Variants in CREB5 observed in about 807,000 individuals in gnomAD.
The protein encoded by CREB5 is cAMP responsive element binding protein 5, also known as cyclic AMP-responsive element-binding protein 5.
CREB5 carries 19 observed loss-of-function variants against 57.1 expected under a neutral mutation model. The ratio of observed to expected loss-of-function variants is 0.33; its 90% CI spans 0.23 to 0.49. CREB5 has a LOEUF of 0.49. Among genes scored for constraint, CREB5 ranks in the 20% least tolerant of loss-of-function variants. The pLI is 0.99. For missense variants in CREB5, 579 were observed against 671.6 expected, an observed-to-expected ratio of 0.86 and a Z score of 1.52; for synonymous variants, 238 against 238.3, an observed-to-expected ratio of 1.00 and a Z score of 0.01.
chr7:28,368,691 C>G (rs1338787709), intron 1 of CREB5, among the ~76,000 whole-genome samples: 1 of 152,188 alleles, frequency 6.6e-6, no homozygotes, highest in Non-Finnish European at 1.5e-5. Context: ...TTTTAGAAAT[C>G]CTCCCTGACC....
chr7:28,451,975 C>T (rs1789839789), intron 1 of CREB5, among the ~76,000 whole-genome samples: 1 of 152,164 alleles, frequency 6.6e-6, no homozygotes, highest in Non-Finnish European at 1.5e-5. Context: ...TGTCACTCTG[C>T]ATGGTACTAA....
At chr7:28,560,919 T>TGCGTGCGCGCGCACGCGTGC (rs1562797827) in intron 4 of CREB5, among the ~76,000 whole-genome samples, 1 of 42,990 alleles carries the variant, frequency 2.3e-5, no homozygotes, top group Non-Finnish European at 4.5e-5. Flanking sequence ...CGTGTGCGTG[T>TGCGTGCGCGCGCACGCGTGC]GTGCGCGTGC....
chr7:28,677,244 G>T (rs565515841), intron 5 of CREB5, among the ~76,000 whole-genome samples: 2 of 152,120 alleles, frequency 1.3e-5, no homozygotes, highest in African/African-American at 4.8e-5. Context: ...GGATGACCAC[G>T]TAGAAGTGTG....
chr7:28,498,323 G>A (rs1226526788), intron 3 of CREB5, among the ~76,000 whole-genome samples: 1 of 152,072 alleles, frequency 6.6e-6, no homozygotes, highest in African/African-American at 2.4e-5. Context: ...TTTTATTTCA[G>A]ATGAGTTGAG....
intron 5 of CREB5, among the ~76,000 whole-genome samples, chr7:28,651,642 T>C (rs543062086): frequency 6.6e-6 from 1 of 152,316 alleles, no homozygotes; most frequent in Non-Finnish European, 1.5e-5. Context: ...CTGGTCCTCT[T>C]TCTTTCGCCG....
rs932430761 is a variant in CREB5 at position 28,789,398 on chromosome 7, C to T, written c.703-14801C>T. Among the ~76,000 whole-genome samples, 10 of 152,230 alleles carry T rather than the reference C, an allele frequency of 6.6e-5. No individual in the cohort carries two copies. In the South Asian group the frequency reaches 1.9e-3, roughly 29 times the overall value. On this transcript the variant is annotated intron_variant, in intron 7 of 10. Coordinates refer to ENST00000357727, the MANE Select transcript of CREB5 (RefSeq NM_182898.4). ...GAAATCCACCAGACTAGTGCTGCAC[C>T]GTATCTTTCAGTCCCCTCTCCCCAT... is the stretch of plus-strand genomic sequence containing the variant.
At chr7:28,776,918 A>G (rs1806687280) in intron 7 of CREB5, among the ~76,000 whole-genome samples, 2 of 152,342 alleles carry the variant, frequency 1.3e-5, no homozygotes, top group South Asian at 2.1e-4. Context: ...TTGTGTGGCT[A>G]TACCACATTT....
At chr7:28,443,011 C>T (rs1470094163) in intron 1 of CREB5, among the ~76,000 whole-genome samples, 1 of 152,142 alleles carries the variant, frequency 6.6e-6, no homozygotes, top group Non-Finnish European at 1.5e-5. Context: ...CTCTATATGC[C>T]TTATTTCGTT....
chr7:28,360,379 T>A (rs1786450267), intron 1 of CREB5, among the ~76,000 whole-genome samples: 1 of 152,230 alleles, frequency 6.6e-6, no homozygotes, highest in Admixed American at 6.5e-5. Flanking sequence ...TGGAATGTTA[T>A]TCAGCCTTTA....
At chr7:28,472,486 G>C (rs1790867185) in intron 1 of CREB5, among the ~76,000 whole-genome samples, 1 of 152,180 alleles carries the variant, frequency 6.6e-6, no homozygotes, top group Admixed American at 6.5e-5. Context: ...ACCTCAAGCT[G>C]CAACTACAGT....
At chr7:28,644,341 C>T (rs1467138733) in intron 5 of CREB5, among the ~76,000 whole-genome samples, 3 of 152,082 alleles carry the variant, frequency 2.0e-5, no homozygotes, top group South Asian at 4.1e-4. Context: ...TGTCATTGCC[C>T]TTCCCTATTC....
At chr7:28,318,908 A>T (rs1367341477) in intron 1 of CREB5, among the ~76,000 whole-genome samples, 1 of 152,224 alleles carries the variant, frequency 6.6e-6, no homozygotes, top group African/African-American at 2.4e-5. Context: ...AAAAAGTACC[A>T]GAAAAGTCCT....
chr7:28,471,212 G>C (rs1418089086), intron 1 of CREB5, among the ~76,000 whole-genome samples: 1 of 152,128 alleles, frequency 6.6e-6, no homozygotes, highest in Non-Finnish European at 1.5e-5. Flanking sequence ...TGAGGTCTTA[G>C]ATTTAAATCT....
At chr7:28,589,758 T>G (rs182840272) in intron 5 of CREB5, among the ~76,000 whole-genome samples, 1 of 150,018 alleles carries the variant, frequency 6.7e-6, no homozygotes, top group Non-Finnish European at 1.5e-5. Flanking sequence ...CCACGGTTTG[T>G]ATATTTAGGT....
rs1024492192 is a variant in CREB5, at chr7:28,481,260, G to A, written c.4-6915G>A. Among the ~76,000 whole-genome samples the A allele has an allele frequency of 2.5e-4, 38 of 152,208 alleles. 1 individual carries two copies. The highest frequency in any genetic ancestry group is 1.9e-3 in the Admixed American group (29 of 15,274). ...CTCTAAGCATAATATAAAGTGTGAC[G>A]CAATCCCAAAGGGGGCTGTGATTCA... is the stretch of plus-strand genomic sequence containing the variant. On this transcript the variant is annotated intron_variant, in intron 1 of 10. Coordinates refer to ENST00000357727, the MANE Select transcript of CREB5 (RefSeq NM_182898.4).
intron 4 of CREB5, among the ~76,000 whole-genome samples, chr7:28,531,724 G>A (rs1793738459): frequency 6.6e-6 from 1 of 152,140 alleles, no homozygotes; most frequent in Non-Finnish European, 1.5e-5. Flanking sequence ...GAGGGGTATG[G>A]AGACCCTAAC....
intron 7 of CREB5, among the ~76,000 whole-genome samples, chr7:28,770,862 A>C (rs1806282791): frequency 2.6e-5 from 4 of 152,252 alleles, no homozygotes. Context: ...TCCCATATGC[A>C]GCATGGTGAC....
chr7:28,528,727 AAG>A (rs1554337746), intron 4 of CREB5, among the ~76,000 whole-genome samples: 4 of 148,884 alleles, frequency 2.7e-5, no homozygotes, highest in Non-Finnish European at 5.9e-5. Context: ...AAAAAAAAAA[AAG>A]AGCGTGATTA....
At chr7:28,519,562 G>A (rs962640944) in intron 4 of CREB5, among the ~76,000 whole-genome samples, 26 of 152,102 alleles carry the variant, frequency 1.7e-4, no homozygotes, top group African/African-American at 4.8e-4. Flanking sequence ...CTAAACACAC[G>A]TGCCCTCCCA....
Sources: allele counts gnomAD v4.1 joint callset (sites outside exome capture counted in the v4.1 genomes callset), GRCh38; gene constraint gnomAD v4.1.1; transcripts MANE v1.5; gene names NCBI Gene and HGNC (gene_info 2026-07-23, HGNC 2026-07-21).